The following HPSE2 variants were observed in gnomAD, a reference collection of about 807,000 sequenced individuals.
The protein encoded by HPSE2 is inactive heparanase-2.
A neutral mutation model predicts 60.5 loss-of-function variants in HPSE2; 38 were observed. The observed-to-expected ratio is 0.63, with a 90% CI of 0.48 to 0.82. The LOEUF (loss-of-function observed/expected upper bound fraction) is 0.82. Ranked by LOEUF, HPSE2 falls within the 40% of genes least tolerant of loss-of-function variation. The probability of loss-of-function intolerance (pLI) is 0.00; values close to 1 mark genes in which losing one functional copy is unlikely to be tolerated. For missense variants in HPSE2, 713 were observed against 740.4 expected (o/e 0.96, Z 0.43); for synonymous variants, 295 against 293.2 (o/e 1.01, Z -0.06).
chr10:98,545,139 A>C (rs370832901), intron 9 of HPSE2, among the ~76,000 whole-genome samples: 6 of 152,160 alleles, frequency 3.9e-5, no homozygotes, highest in Non-Finnish European at 7.3e-5. Context: ...CAATAACAGG[A>C]TCTGAAATTG....
chr10:98,667,616 G>A (rs558686395), intron 6 of HPSE2, among the ~76,000 whole-genome samples: 2 of 152,218 alleles, frequency 1.3e-5, no homozygotes, highest in Non-Finnish European at 2.9e-5. Flanking sequence ...TGCAAGGTTG[G>A]TTCAACATAT....
At chr10:99,200,708 G>A (rs1366982574) in intron 2 of HPSE2, among the ~76,000 whole-genome samples, 1 of 152,036 alleles carries the variant, frequency 6.6e-6, no homozygotes, top group East Asian at 1.9e-4. Flanking sequence ...AAGTAACAGG[G>A]CCATTCACTC....
At chr10:98,523,168 AT>A (rs538098297) in intron 9 of HPSE2, among the ~76,000 whole-genome samples, 149 of 152,272 alleles carry the variant, frequency 9.8e-4, no homozygotes, top group African/African-American at 3.4e-3. Context: ...TCAGAAGGTA[AT>A]TGTGGGTGAG....
chr10:98,602,549 T>G (rs1203939393), intron 9 of HPSE2, among the ~76,000 whole-genome samples: 7 of 152,100 alleles, frequency 4.6e-5, no homozygotes, highest in South Asian at 2.1e-4. Context: ...AATCAAGAGA[T>G]TATGGTATTG....
At chr10:99,218,523 A>T (rs1849210451) in intron 2 of HPSE2, among the ~76,000 whole-genome samples, 1 of 152,146 alleles carries the variant, frequency 6.6e-6, no homozygotes. Context: ...CTGTGGTTAT[A>T]ACTTCTATGA....
intron 2 of HPSE2, among the ~76,000 whole-genome samples, chr10:99,182,888 C>T (rs1229111707): frequency 2.0e-5 from 3 of 151,692 alleles, no homozygotes; most frequent in Non-Finnish European, 4.4e-5. Context: ...CCCAGCTACT[C>T]GGGAGGCTGA....
chr10:99,234,034 G>C (rs938140710), intron 1 of HPSE2, among the ~76,000 whole-genome samples: 3 of 152,252 alleles, frequency 2.0e-5, no homozygotes, highest in African/African-American at 7.2e-5. Flanking sequence ...GGTCTGCGCA[G>C]CTGAAGGAGT....
At chr10:99,243,629 T>A in the HPSE2 span, among the ~76,000 whole-genome samples, 1 of 152,204 alleles carries the variant, frequency 6.6e-6, no homozygotes, top group Non-Finnish European at 1.5e-5. Flanking sequence ...AAGCAATGTA[T>A]ATAAATCATG....
intron 9 of HPSE2, among the ~76,000 whole-genome samples, chr10:98,583,252 C>T (rs938550377): frequency 6.6e-6 from 1 of 152,192 alleles, no homozygotes; most frequent in Admixed American, 6.5e-5. Context: ...CATAGGCGTA[C>T]ACCAATTAAC....
the HPSE2 span, among the ~76,000 whole-genome samples, chr10:99,282,555 T>A: frequency 6.6e-6 from 1 of 152,044 alleles, no homozygotes; most frequent in Non-Finnish European, 1.5e-5. Flanking sequence ...TACCCAACAA[T>A]AACAGAACGG....
Position 98,606,796 on chromosome 10 carries a change from T to C in HPSE2, c.1320+8108A>G, listed in dbSNP as rs535732010. On this transcript the variant is annotated intron_variant, in intron 9 of 11. Coordinates refer to ENST00000370552, the MANE Select transcript of HPSE2 (RefSeq NM_021828.5). ...TTTGTTCTATTTTTTAATAAAGACT[T>C]TTGCTTTTATTTAAACAAGCACAAA... Among the ~76,000 whole-genome samples the C allele has an allele frequency of 3.9e-5, 6 of 152,298 alleles. No individual in the cohort carries two copies. The East Asian group carries it at 1.2e-3, about 29-fold the overall frequency.
intron 7 of HPSE2, among the ~76,000 whole-genome samples, chr10:98,627,789 G>A (rs1946256016): frequency 6.6e-6 from 1 of 152,214 alleles, no homozygotes; most frequent in African/African-American, 2.4e-5. Context: ...CTTGTCCAAG[G>A]CACATAAGCT....
chr10:98,866,143 T>C (rs1952582188), intron 3 of HPSE2, among the ~76,000 whole-genome samples: 1 of 152,126 alleles, frequency 6.6e-6, no homozygotes, highest in Non-Finnish European at 1.5e-5. Context: ...ATACTGTACT[T>C]CCATATGTTC....
upstream of HPSE2, among the ~76,000 whole-genome samples, chr10:99,236,430 C>G (rs976636146): frequency 6.6e-6 from 1 of 152,088 alleles, no homozygotes; most frequent in African/African-American, 2.4e-5. Flanking sequence ...CTTGTTTCTC[C>G]TGACAGCGTC....
chr10:99,280,285 C>G, the HPSE2 span, among the ~76,000 whole-genome samples: 4 of 152,130 alleles, frequency 2.6e-5, no homozygotes, highest in African/African-American at 9.7e-5. Flanking sequence ...AAGAAGGATT[C>G]AGTATGGGTA....
chr10:99,262,482 A>G, the HPSE2 span, among the ~76,000 whole-genome samples: 2 of 151,980 alleles, frequency 1.3e-5, no homozygotes, highest in African/African-American at 4.8e-5. Flanking sequence ...TTAATCCACA[A>G]GTATGAGACA....
rs867255212 is a variant in HPSE2, at chr10:98,476,037, G to A, written c.1613+6599C>T. On this transcript the variant is annotated intron_variant, in intron 11 of 11. Transcript: ENST00000370552. Reference sequence around the variant, plus strand: ...ACACATGCACACGTATGTTTATTGCGGCACTATTCACAATAGCAAAGACTT... The same window carrying A: ...ACACATGCACACGTATGTTTATTGCAGCACTATTCACAATAGCAAAGACTT... 7.2e-5 allele frequency among the ~76,000 whole-genome samples: 11 copies of A among 151,768 alleles called. No individual in the cohort carries two copies. In the South Asian group the frequency reaches 8.3e-4, roughly 12 times the overall value.
the HPSE2 span, among the ~76,000 whole-genome samples, chr10:99,254,989 T>C: frequency 6.6e-6 from 1 of 152,158 alleles, no homozygotes; most frequent in Non-Finnish European, 1.5e-5. Context: ...AATCCAATTA[T>C]GGAGATGACC....
At chr10:98,825,206 G>GA (rs1263433200) in intron 3 of HPSE2, among the ~76,000 whole-genome samples, 1 of 151,988 alleles carries the variant, frequency 6.6e-6, no homozygotes, top group Non-Finnish European at 1.5e-5. Context: ...TGGGGAGAGG[G>GA]AAAAAATGCA....
Sources: allele counts gnomAD v4.1 joint callset (sites outside exome capture counted in the v4.1 genomes callset), GRCh38; gene constraint gnomAD v4.1.1; transcripts MANE v1.5; gene names NCBI Gene and HGNC (gene_info 2026-07-23, HGNC 2026-07-21).